Variants in SLC4A5 observed in about 807,000 individuals in gnomAD.
SLC4A5 encodes solute carrier family 4 member 5.
In SLC4A5, 96 loss-of-function variants were observed where a neutral mutation model predicts 120.4. The observed-to-expected ratio is 0.80, with a 90% CI of 0.68 to 0.94. The LOEUF is 0.94. SLC4A5 is among the 40% of genes least tolerant of loss of function. The pLI is 0.00. For synonymous variants in SLC4A5, 550 were observed against 571.1 expected, an observed-to-expected ratio of 0.96 and a Z score of 0.53; for missense variants, 1,259 against 1,459.5, an observed-to-expected ratio of 0.86 and a Z score of 2.24.
At chr2:74,245,209 C>T (rs903318485) in intron 19 of SLC4A5, among the ~76,000 whole-genome samples, 2 of 152,120 alleles carry the variant, frequency 1.3e-5, no homozygotes, top group African/African-American at 4.8e-5. Context: ...ATCCCAGCTA[C>T]TTGGGAGGCT....
At position 74,250,383 on chromosome 2, in the gene SLC4A5, G is replaced by T. The variant is rs945822907; in HGVS notation, c.1613C>A (p.Thr538Asn). 3.7e-6 allele frequency: 6 copies of T among 1,614,058 alleles called. No homozygotes were observed. In the African/African-American group the frequency reaches 8.0e-5, roughly 22 times the overall value. ...GGCATCCCCCAGAAGCCCACCAAAG[G>T]TGATCGCGTTGGTGATACAGCCGAG... Residue 538 changes from threonine (T) to asparagine (N), a missense_variant, in exon 17 of 31, where the codon ACC becomes AAC. Transcript: ENST00000394019.
chr2:74,296,051 T>G (rs1238917905), intron 7 of SLC4A5, among the ~76,000 whole-genome samples: 1 of 152,212 alleles, frequency 6.6e-6, no homozygotes, highest in Non-Finnish European at 1.5e-5. Flanking sequence ...ACTTGCAAAT[T>G]CAGGCTCTCA....
At chr2:74,252,596 C>T (rs538803880) in intron 15 of SLC4A5, among the ~76,000 whole-genome samples, 2 of 152,142 alleles carry the variant, frequency 1.3e-5, no homozygotes, top group Non-Finnish European at 2.9e-5. Context: ...TTATTTTAAA[C>T]ATTATTTTGA....
chr2:74,264,460 A>G (rs913647142), intron 9 of SLC4A5, among the ~76,000 whole-genome samples, 161 bp from the exon 10 acceptor site: 6 of 148,286 alleles, frequency 4.0e-5, no homozygotes, highest in African/African-American at 1.5e-4. Flanking sequence ...GCACATCACC[A>G]ACTCTTGGCC....
At chr2:74,306,385 A>G (rs1672644762) in intron 6 of SLC4A5, among the ~76,000 whole-genome samples, 1 of 152,182 alleles carries the variant, frequency 6.6e-6, no homozygotes. Context: ...GAAACATTCC[A>G]AGCTTGTGGT....
chr2:74,318,138 A>G (rs13421656), intron 5 of SLC4A5, among the ~76,000 whole-genome samples: 5,997 of 152,294 alleles, frequency 0.039, 406 homozygotes, highest in African/African-American at 0.14. Flanking sequence ...CAGAATGAAA[A>G]AAAAATATTG....
At chr2:74,261,317 C>T (rs1671127990) in intron 11 of SLC4A5, among the ~76,000 whole-genome samples, 1 of 152,190 alleles carries the variant, frequency 6.6e-6, no homozygotes, top group Admixed American at 6.5e-5. Context: ...CCCTATGTGG[C>T]ATAACAAAGC....
chr2:74,231,298 C>G, exon 25 of SLC4A5: 1 of 1,611,344 alleles, frequency 6.2e-7, no homozygotes, highest in South Asian at 1.1e-5. Flanking sequence ...ATGCCGGTTA[C>G]TCTCTGTTCC....
chr2:74,250,261 G>A, intron 17 of SLC4A5, 82 bp downstream of exon 17: 1 of 1,461,546 alleles, frequency 6.8e-7, no homozygotes, highest in Non-Finnish European at 9.3e-7. Flanking sequence ...CCTTGGTTTT[G>A]GGATTACAGG....
chr2:74,305,720 CCT>C (rs1672621254), intron 6 of SLC4A5, among the ~76,000 whole-genome samples: 1 of 140,858 alleles, frequency 7.1e-6, no homozygotes, highest in Admixed American at 7.0e-5. Flanking sequence ...CCTTTTCTTT[CCT>C]TTTTTTTTTT....
exon 8 of SLC4A5, chr2:74,285,857 T>A (rs765562737): frequency 6.2e-7 from 1 of 1,612,460 alleles, no homozygotes; most frequent in East Asian, 2.2e-5. Flanking sequence ...GGGAGCCTCA[T>A]CTTCCTCCCC....
chr2:74,224,920 TG>T lies in SLC4A5; in HGVS notation c.3165del (p.Asn1055LysfsTer37), dbSNP rs1188860692. On this transcript the variant is annotated frameshift_variant, in exon 28 of 31. Transcript: ENST00000394019. LOFTEE classifies it high-confidence loss of function. ...TCCTTTTTTTCCTTCTCTGGGAGGA[TG>T]TTGTCAATCCAGGCCAGGTCGTGCT... 2 of 1,614,058 alleles carry T rather than the reference TG, an allele frequency of 1.2e-6. No homozygotes were observed. The highest frequency in any genetic ancestry group is 1.7e-6 in the Non-Finnish European group (2 of 1,179,966).
intron 4 of SLC4A5, among the ~76,000 whole-genome samples, chr2:74,329,252 G>C (rs1227799457): frequency 1.3e-5 from 2 of 152,236 alleles, no homozygotes; most frequent in Non-Finnish European, 2.9e-5. Context: ...GTGGGGTATA[G>C]ATAGAGGTGT....
intron 5 of SLC4A5, among the ~76,000 whole-genome samples, chr2:74,324,564 A>G: frequency 6.6e-6 from 1 of 152,178 alleles, no homozygotes; most frequent in Non-Finnish European, 1.5e-5. Context: ...TAAAACCTCT[A>G]TTTTAAGAAA....
chr2:74,250,351 T>C, exon 17 of SLC4A5: 3 of 1,613,956 alleles, frequency 1.9e-6, no homozygotes, highest in African/African-American at 1.3e-5. Flanking sequence ...ACCTGATAAT[T>C]GTCGGTGGCA....
chr2:74,301,238 A>T (rs1296446107), intron 7 of SLC4A5, among the ~76,000 whole-genome samples: 2 of 152,248 alleles, frequency 1.3e-5, no homozygotes, highest in African/African-American at 4.8e-5. Context: ...TAAAAATGAT[A>T]TTGAACTATC....
At chr2:74,331,100 T>C (rs1049842821) in intron 4 of SLC4A5, among the ~76,000 whole-genome samples, 3 of 148,440 alleles carry the variant, frequency 2.0e-5, no homozygotes, top group African/African-American at 7.5e-5. Context: ...GATAGTGACG[T>C]ATAGATGGTG....
intron 11 of SLC4A5, among the ~76,000 whole-genome samples, chr2:74,261,094 C>T (rs1243360164): frequency 6.6e-6 from 1 of 152,198 alleles, no homozygotes; most frequent in Non-Finnish European, 1.5e-5. Flanking sequence ...CCCCTGTGCG[C>T]TGTGTTCTGC....
At chr2:74,304,411 A>G in intron 7 of SLC4A5, 78 bp downstream of exon 7, 1 of 1,405,194 alleles carries the variant, frequency 7.1e-7, no homozygotes, top group Non-Finnish European at 9.5e-7. Context: ...TCTCCAGAAA[A>G]TCCCCCCTGC....
Sources: gnomAD v4.1 joint callset for allele counts (sites outside exome capture counted in the v4.1 genomes callset) on GRCh38, gnomAD v4.1.1 for gene constraint, MANE v1.5 for transcripts, NCBI Gene and HGNC (gene_info 2026-07-23, HGNC 2026-07-21) for gene names.